GSDMC: variants seen among roughly 807,000 people sequenced by gnomAD.
The protein encoded by GSDMC is gasdermin-C.
Under a neutral mutation model 58.0 loss-of-function variants are expected in GSDMC, and 59 were observed. The ratio of observed to expected loss-of-function variants is 1.02; its 90% CI spans 0.82 to 1.26. The LOEUF (loss-of-function observed/expected upper bound fraction) is 1.26. Ranked by LOEUF, GSDMC falls within the 50% of genes most tolerant of loss-of-function variation. GSDMC has a pLI of 0.00. For missense variants in GSDMC, 659 were observed against 598.5 expected, an observed-to-expected ratio of 1.10 and a Z score of -1.06; for synonymous variants, 241 against 220.2, an observed-to-expected ratio of 1.09 and a Z score of -0.83.
In GSDMC at chr8:129,752,087, A is replaced by AG. The variant is rs779955236; in HGVS notation, c.886+18dup. ...GTTGTGCAGATTGTCCTGGAAGGGG[A>AG]GGGCCAGATTCCACTCACTTGGCAA... is the stretch of plus-strand genomic sequence containing the variant. On this transcript the variant is annotated intron_variant, in intron 8 of 13. Coordinates refer to ENST00000276708, the MANE Select transcript of GSDMC (RefSeq NM_031415.3). 40 of 1,604,184 alleles carry AG rather than the reference A, an allele frequency of 2.5e-5. No homozygotes were observed. The Admixed American group carries it at 6.7e-4, about 27-fold the overall frequency.
intron 6 of GSDMC, among the ~76,000 whole-genome samples, chr8:129,760,281 A>G (rs545509752): frequency 4.3e-4 from 66 of 152,300 alleles, no homozygotes; most frequent in South Asian, 8.3e-4. Context: ...GAAAGAATGA[A>G]TAATACCTAG....
the GSDMC span, chr8:129,729,215 G>A: frequency 3.1e-6 from 2 of 645,606 alleles, 1 homozygote; most frequent in Non-Finnish European, 5.9e-6. Context: ...ATGGCATTTT[G>A]AGACCCTGGA....
At chr8:129,747,386 G>C (rs1452648433), downstream of GSDMC, among the ~76,000 whole-genome samples, 1 of 152,106 alleles carries the variant, frequency 6.6e-6, no homozygotes, top group Non-Finnish European at 1.5e-5. Context: ...GATGGGAGAA[G>C]AACTCATTTT....
chr8:129,785,831 T>C (rs747286535), intron 1 of GSDMC, among the ~76,000 whole-genome samples, 180 bp downstream of exon 1: 3 of 151,874 alleles, frequency 2.0e-5, no homozygotes, highest in Non-Finnish European at 4.4e-5. Flanking sequence ...CGAAGATATA[T>C]TCCTTAGCCT....
intron 1 of GSDMC, among the ~76,000 whole-genome samples, chr8:129,781,815 A>G (rs1225136620): frequency 6.6e-6 from 1 of 152,106 alleles, no homozygotes; most frequent in Non-Finnish European, 1.5e-5. Flanking sequence ...GATCTCCCAG[A>G]CAGAAAATCA....
At chr8:129,757,168 A>T (rs1256265957) in intron 6 of GSDMC, among the ~76,000 whole-genome samples, 3 of 144,656 alleles carry the variant, frequency 2.1e-5, no homozygotes, top group African/African-American at 5.2e-5. Context: ...CCAGAACAAT[A>T]AAAAAAAAAA....
intron 6 of GSDMC, among the ~76,000 whole-genome samples, chr8:129,760,010 AT>A (rs1382429289): frequency 6.6e-6 from 1 of 152,208 alleles, no homozygotes; most frequent in East Asian, 1.9e-4. Flanking sequence ...CATATACAAA[AT>A]GGTATACTAT....
At chr8:129,761,386 C>T (rs1350164825) in intron 5 of GSDMC, among the ~76,000 whole-genome samples, 1 of 152,162 alleles carries the variant, frequency 6.6e-6, no homozygotes, top group African/African-American at 2.4e-5. Context: ...CAGCCAACTT[C>T]CTTCAAGAAT....
At chr8:129,761,286 G>A (rs1204016942) in intron 5 of GSDMC, among the ~76,000 whole-genome samples, 3 of 152,000 alleles carry the variant, frequency 2.0e-5, no homozygotes, top group East Asian at 1.9e-4. Flanking sequence ...GCTTGACAAC[G>A]GGCTCAAGTC....
At chr8:129,742,347 T>C in the GSDMC span, among the ~76,000 whole-genome samples, 5 of 152,298 alleles carry the variant, frequency 3.3e-5, no homozygotes, top group East Asian at 9.6e-4. Flanking sequence ...CCCTATTGTA[T>C]ACATATATCA....
intron 5 of GSDMC, among the ~76,000 whole-genome samples, chr8:129,760,959 T>A (rs575744183): frequency 9.9e-5 from 15 of 152,114 alleles, no homozygotes; most frequent in Non-Finnish European, 2.2e-4. Context: ...TATGCTGAGG[T>A]CTGAAATTCA....
intron 11 of GSDMC, 145 bp from the exon 12 acceptor site, chr8:129,750,264 G>A (rs1299011020): frequency 7.0e-6 from 7 of 1,000,668 alleles, no homozygotes; most frequent in South Asian, 1.7e-5. Context: ...TCAGTAGTGG[G>A]GGCGACACTT....
intron 1 of GSDMC, among the ~76,000 whole-genome samples, chr8:129,780,189 A>G (rs1028293970): frequency 6.6e-6 from 1 of 152,204 alleles, no homozygotes; most frequent in Non-Finnish European, 1.5e-5. Flanking sequence ...TACTGGCCTT[A>G]AAGAGAAGAT....
chr8:129,763,351 G>A (rs2130452795), intron 4 of GSDMC, among the ~76,000 whole-genome samples: 1 of 152,312 alleles, frequency 6.6e-6, no homozygotes, highest in Admixed American at 6.5e-5. Context: ...TCTTTTTGAG[G>A]TAAGTGTTCT....
chr8:129,709,158 A>C, the GSDMC span, among the ~76,000 whole-genome samples: 1 of 141,292 alleles, frequency 7.1e-6, no homozygotes, highest in South Asian at 2.3e-4. Flanking sequence ...TCCAGCTGTC[A>C]CTGAATTCCC....
chr8:129,778,044 C>T (rs1244736789), intron 1 of GSDMC, among the ~76,000 whole-genome samples: 1 of 152,116 alleles, frequency 6.6e-6, no homozygotes, highest in African/African-American at 2.4e-5. Context: ...ATACTGTCAT[C>T]AACTAAAGGG....
the GSDMC span, among the ~76,000 whole-genome samples, chr8:129,731,062 T>G: frequency 1.3e-5 from 2 of 152,166 alleles, no homozygotes; most frequent in Non-Finnish European, 2.9e-5. Context: ...CAGTAAATAT[T>G]ATATCCTAAT....
the GSDMC span, among the ~76,000 whole-genome samples, chr8:129,724,396 A>G: frequency 6.6e-6 from 1 of 152,164 alleles, no homozygotes; most frequent in African/African-American, 2.4e-5. Context: ...AGATAATACA[A>G]TCTATTTGTT....
chr8:129,722,353 C>G, the GSDMC span, among the ~76,000 whole-genome samples: 1 of 152,154 alleles, frequency 6.6e-6, no homozygotes, highest in Non-Finnish European at 1.5e-5. Context: ...AGTTTTATTT[C>G]TGGTAGCCCA....
Sources: gnomAD v4.1 joint callset for allele counts (sites outside exome capture counted in the v4.1 genomes callset) on GRCh38, gnomAD v4.1.1 for gene constraint, MANE v1.5 for transcripts, NCBI Gene and HGNC (gene_info 2026-07-23, HGNC 2026-07-21) for gene names.